Variants in ADAM23 observed in about 807,000 individuals in gnomAD.
ADAM23 encodes disintegrin and metalloproteinase domain-containing protein 23.
Under a neutral mutation model 120.1 loss-of-function variants are expected in ADAM23, and 33 were observed. The ratio of observed to expected loss-of-function variants is 0.27; its 90% CI spans 0.21 to 0.37. The LOEUF is 0.37. Ranked by LOEUF, ADAM23 falls within the 10% of genes least tolerant of loss-of-function variation. The pLI, the probability that ADAM23 is intolerant of heterozygous loss-of-function variation, is 1.00. For missense variants in ADAM23, 862 were observed against 1,058.2 expected (o/e 0.81, Z 2.57); for synonymous variants, 367 against 375.2 (o/e 0.98, Z 0.25).
chr2:206,495,963 T>C (rs1696237051), intron 3 of ADAM23, among the ~76,000 whole-genome samples: 1 of 152,190 alleles, frequency 6.6e-6, no homozygotes, highest in Admixed American at 6.5e-5. Context: ...ATCCTAAATA[T>C]ATATGCACCC....
intron 4 of ADAM23, among the ~76,000 whole-genome samples, chr2:206,533,089 G>T (rs1376769197): frequency 6.6e-6 from 1 of 152,094 alleles, no homozygotes; most frequent in African/African-American, 2.4e-5. Context: ...TGCTGCTTCA[G>T]AAAATCTTTG....
Position 206,618,878 on chromosome 2 carries a change from T to C in ADAM23, c.*1251T>C, listed in dbSNP as rs1339307564. ...AATCACAAAAGTGCCAAGCTCATGA[T>C]TTTGGTTTTCGGTTTTGACAATTTT... On this transcript the variant is annotated 3_prime_UTR_variant, in exon 26 of 26. Transcript: ENST00000264377. The C allele has an allele frequency of 2.0e-5, 3 of 152,192 alleles. No homozygotes were observed. Among genetic ancestry groups the C allele is most frequent in the African/African-American group, 7.2e-5 (3 of 41,442 alleles). The allele number at this position is 152,192 out of a possible 1,614,324, so 9.4% of individuals were successfully genotyped here.
intron 7 of ADAM23, among the ~76,000 whole-genome samples, 189 bp downstream of exon 7, chr2:206,547,690 C>G (rs1386217783): frequency 3.9e-5 from 6 of 152,126 alleles, no homozygotes; most frequent in Non-Finnish European, 1.5e-5. Context: ...CCAGTGCAGA[C>G]TAAAACATGA....
intron 15 of ADAM23, among the ~76,000 whole-genome samples, chr2:206,567,977 G>T (rs1697923840): frequency 6.6e-6 from 1 of 152,108 alleles, no homozygotes; most frequent in South Asian, 2.1e-4. Flanking sequence ...CTATCATGAG[G>T]ACTGTATGGG....
At chr2:206,614,859 T>C (rs887651838) in intron 25 of ADAM23, among the ~76,000 whole-genome samples, 1 of 152,098 alleles carries the variant, frequency 6.6e-6, no homozygotes, top group African/African-American at 2.4e-5. Context: ...CATGACTGTA[T>C]CCCAGTTCAA....
chr2:206,502,134 A>G (rs989699191), intron 3 of ADAM23, among the ~76,000 whole-genome samples: 1 of 152,152 alleles, frequency 6.6e-6, no homozygotes, highest in Non-Finnish European at 1.5e-5. Context: ...ATCAGTATGC[A>G]ATACCACAAT....
intron 25 of ADAM23, among the ~76,000 whole-genome samples, chr2:206,612,132 G>T (rs1385582048): frequency 6.6e-6 from 1 of 152,222 alleles, no homozygotes; most frequent in African/African-American, 2.4e-5. Flanking sequence ...TAAATTTGGA[G>T]AATGTGCTAC....
chr2:206,464,219 G>A (rs1331015405), intron 2 of ADAM23, among the ~76,000 whole-genome samples: 1 of 152,122 alleles, frequency 6.6e-6, no homozygotes, highest in Non-Finnish European at 1.5e-5. Flanking sequence ...GTTTGCATCA[G>A]TTACTTCTTG....
At chr2:206,537,540 C>T (rs144641697) in intron 4 of ADAM23, among the ~76,000 whole-genome samples, 1 of 152,230 alleles carries the variant, frequency 6.6e-6, no homozygotes, top group East Asian at 1.9e-4. Context: ...AGTGTTTCCC[C>T]ACCTCTTTCT....
chr2:206,591,095 GC>G (rs1413281807), intron 21 of ADAM23, among the ~76,000 whole-genome samples: 1 of 152,180 alleles, frequency 6.6e-6, no homozygotes, highest in Non-Finnish European at 1.5e-5. Context: ...ACTTAGGGAG[GC>G]TGAGGCGAGT....
intron 2 of ADAM23, among the ~76,000 whole-genome samples, chr2:206,445,957 A>T (rs1224491280): frequency 6.6e-6 from 1 of 152,224 alleles, no homozygotes; most frequent in Admixed American, 6.5e-5. Context: ...CAGTGTCTCC[A>T]TCAGTCTTTC....
In ADAM23 at chr2:206,528,957, A is replaced by T. The variant is rs1696994832; in HGVS notation, c.510-1928A>T. On this transcript the variant is annotated intron_variant, in intron 3 of 25. Coordinates refer to ENST00000264377, the MANE Select transcript of ADAM23 (RefSeq NM_003812.4). ...CCATAGTAAGTGGTCAGCAAATGCGAGTTATCACTTGTCATTATTCCTAGT... is the reference window on the plus strand; with the variant it reads ...CCATAGTAAGTGGTCAGCAAATGCGTGTTATCACTTGTCATTATTCCTAGT... Among the ~76,000 whole-genome samples, 2 of 152,196 alleles carry T rather than the reference A, an allele frequency of 1.3e-5. 1 individual carries two copies. The highest frequency in any genetic ancestry group is 4.1e-4 in the South Asian group (2 of 4,828).
intron 24 of ADAM23, among the ~76,000 whole-genome samples, chr2:206,601,290 C>G (rs956560424): frequency 6.6e-6 from 1 of 152,184 alleles, no homozygotes; most frequent in Non-Finnish European, 1.5e-5. Flanking sequence ...TCATCACAAC[C>G]ACACTCATCA....
intron 3 of ADAM23, among the ~76,000 whole-genome samples, chr2:206,494,157 A>C (rs931543169): frequency 6.6e-6 from 1 of 152,184 alleles, no homozygotes; most frequent in Non-Finnish European, 1.5e-5. Flanking sequence ...TGCAAATTTC[A>C]ATTATACAAT....
chr2:206,531,421 C>T (rs1331357352), intron 4 of ADAM23, among the ~76,000 whole-genome samples: 2 of 152,164 alleles, frequency 1.3e-5, no homozygotes, highest in Non-Finnish European at 2.9e-5. Flanking sequence ...ATTATTCCTG[C>T]TGTACTATGG....
chr2:206,526,513 ATATTTCTGT>A (rs1198671330), intron 3 of ADAM23, among the ~76,000 whole-genome samples: 1 of 152,148 alleles, frequency 6.6e-6, no homozygotes, highest in South Asian at 2.1e-4. Context: ...GGCTGCATTC[ATATTTCTGT>A]TATGCCATCT....
At chr2:206,511,873 G>T (rs1696631056) in intron 3 of ADAM23, among the ~76,000 whole-genome samples, 1 of 152,070 alleles carries the variant, frequency 6.6e-6, no homozygotes, top group African/African-American at 2.4e-5. Context: ...AAAAATTAAT[G>T]ATAGTCTAAG....
chr2:206,495,859 G>T lies in ADAM23; in HGVS notation c.509+14551G>T, dbSNP rs183683975. 5.6e-3 allele frequency among the ~76,000 whole-genome samples: 845 copies of T among 151,974 alleles called. 15 individuals are homozygous for T. Among genetic ancestry groups the T allele is most frequent in the African/African-American group, 0.02 (811 of 41,436 alleles). On this transcript the variant is annotated intron_variant, in intron 3 of 25. Coordinates refer to ENST00000264377, the MANE Select transcript of ADAM23 (RefSeq NM_003812.4). ...AGGCAGGGGTTGCAATCCTAGTCTC[G>T]GATTAAACAGACTTTAAACCAACAA... is the stretch of plus-strand genomic sequence containing the variant.
At chr2:206,498,055 C>T (rs1289873223) in intron 3 of ADAM23, among the ~76,000 whole-genome samples, 2 of 152,072 alleles carry the variant, frequency 1.3e-5, no homozygotes, top group South Asian at 2.1e-4. Context: ...GAATCAATAT[C>T]GTGAAAATGG....
Sources: allele counts gnomAD v4.1 joint callset (sites outside exome capture counted in the v4.1 genomes callset), GRCh38; gene constraint gnomAD v4.1.1; transcripts MANE v1.5; gene names NCBI Gene and HGNC (gene_info 2026-07-23, HGNC 2026-07-21).